Variants in GALNT17 observed in about 807,000 individuals in gnomAD.
The protein encoded by GALNT17 is polypeptide N-acetylgalactosaminyltransferase 17, also known as UDP-GalNAc:polypeptide N-acetylgalactosaminyltransferase-like 3.
A neutral mutation model predicts 63.7 loss-of-function variants in GALNT17; 29 were observed. The observed-to-expected ratio is 0.46, with a 90% CI of 0.34 to 0.62. GALNT17 has a LOEUF of 0.62. Among genes scored for constraint, GALNT17 ranks in the 20% least tolerant of loss-of-function variants. GALNT17 has a pLI of 0.01. For missense variants in GALNT17, 603 were observed against 799.6 expected (o/e 0.75, Z 2.97); for synonymous variants, 305 against 318.3 (o/e 0.96, Z 0.45).
At chr7:71,583,256 G>A (rs772897564) in intron 6 of GALNT17, among the ~76,000 whole-genome samples, 22 of 152,008 alleles carry the variant, frequency 1.4e-4, no homozygotes, top group Non-Finnish European at 2.6e-4. Context: ...CACCACGCCC[G>A]GCTAATTTTT....
chr7:71,521,425 C>A (rs976150559), intron 5 of GALNT17, among the ~76,000 whole-genome samples: 1 of 152,180 alleles, frequency 6.6e-6, no homozygotes, highest in Admixed American at 6.5e-5. Flanking sequence ...GTCCATCTGT[C>A]CTGGACTACA....
At position 71,401,401 on chromosome 7, in the gene GALNT17, A is replaced by G. The variant is rs115017421; in HGVS notation, c.589+13000A>G. On this transcript the variant is annotated intron_variant, in intron 3 of 10. Coordinates refer to ENST00000333538, the MANE Select transcript of GALNT17 (RefSeq NM_022479.3). ...CGTGAGCCACCATGCCTGGCCCTCA[A>G]TACTCTTTTATATGTCTTATTAATA... Among the ~76,000 whole-genome samples, 262 of 152,040 alleles carry G rather than the reference A, an allele frequency of 1.7e-3. 3 individuals are homozygous for G. Among genetic ancestry groups the G allele is most frequent in the African/African-American group, 5.5e-3 (228 of 41,518 alleles).
At chr7:71,557,318 C>T (rs566407769) in intron 5 of GALNT17, among the ~76,000 whole-genome samples, 2 of 152,204 alleles carry the variant, frequency 1.3e-5, no homozygotes, top group East Asian at 3.9e-4. Context: ...TTTTTGGAAC[C>T]CTGTCAGTGT....
intron 6 of GALNT17, among the ~76,000 whole-genome samples, chr7:71,598,997 AG>A (rs1789928007): frequency 6.6e-6 from 1 of 152,094 alleles, no homozygotes; most frequent in Non-Finnish European, 1.5e-5. Context: ...CAGGACTCAT[AG>A]GGGCCTCAAG....
chr7:71,333,910 C>T (rs917263378), intron 1 of GALNT17, among the ~76,000 whole-genome samples: 10 of 152,156 alleles, frequency 6.6e-5, no homozygotes, highest in Admixed American at 3.3e-4. Context: ...TGTTTGTACT[C>T]AACATGGGAA....
chr7:71,553,626 G>GTA (rs1789116052), intron 5 of GALNT17, among the ~76,000 whole-genome samples: 1 of 152,138 alleles, frequency 6.6e-6, no homozygotes, highest in Non-Finnish European at 1.5e-5. Flanking sequence ...TTTAAAACCT[G>GTA]TAACACAATT....
chr7:71,524,254 AT>A (rs1788587628), intron 5 of GALNT17, among the ~76,000 whole-genome samples: 1 of 147,106 alleles, frequency 6.8e-6, no homozygotes, highest in East Asian at 1.9e-4. Context: ...AATAATATAT[AT>A]TATATTATAT....
At chr7:71,518,530 C>T (rs148648072) in intron 5 of GALNT17, among the ~76,000 whole-genome samples, 6 of 152,264 alleles carry the variant, frequency 3.9e-5, no homozygotes, top group Middle Eastern at 3.4e-3. Flanking sequence ...GCAAGAGACA[C>T]GAGTCCAGCA....
intron 6 of GALNT17, among the ~76,000 whole-genome samples, chr7:71,604,485 T>G (rs1790017542): frequency 6.6e-6 from 1 of 152,222 alleles, no homozygotes; most frequent in African/African-American, 2.4e-5. Flanking sequence ...TATTTCATTC[T>G]TAGAACTGAC....
intron 9 of GALNT17, among the ~76,000 whole-genome samples, chr7:71,679,778 G>A (rs891208277): frequency 1.3e-5 from 2 of 151,958 alleles, no homozygotes; most frequent in Non-Finnish European, 2.9e-5. Flanking sequence ...CGTCCCCAAG[G>A]CTGCGACAAC....
chr7:71,169,295 C>A (rs977188849), intron 1 of GALNT17, among the ~76,000 whole-genome samples: 2 of 152,164 alleles, frequency 1.3e-5, no homozygotes, highest in Admixed American at 6.5e-5. Flanking sequence ...CAGCATCCCC[C>A]CTAGGCTCTC....
At chr7:71,410,209 C>T (rs778114399) in intron 3 of GALNT17, among the ~76,000 whole-genome samples, 8 of 151,422 alleles carry the variant, frequency 5.3e-5, no homozygotes, top group Non-Finnish European at 1.2e-4. Flanking sequence ...ATGTGCTGCA[C>T]GCTTGGTTTA....
intron 1 of GALNT17, among the ~76,000 whole-genome samples, chr7:71,226,622 G>A (rs926694082): frequency 5.3e-5 from 8 of 152,104 alleles, no homozygotes; most frequent in Non-Finnish European, 8.8e-5. Flanking sequence ...TGGGATTACA[G>A]GTATGCACCA....
In GALNT17 at chr7:71,561,043, C is replaced by T. The variant is rs564262233; in HGVS notation, c.963-10242C>T. Among the ~76,000 whole-genome samples, 87 of 152,242 alleles carry T rather than the reference C, an allele frequency of 5.7e-4. No homozygotes were observed. In the South Asian group the frequency reaches 0.017, roughly 29 times the overall value. ...GTTTTTGTTTTTTGAGACAGAGTCTCGCTCTGTCGGCCAGGCTGGAGTGCA... is the reference window on the plus strand; with the variant it reads ...GTTTTTGTTTTTTGAGACAGAGTCTTGCTCTGTCGGCCAGGCTGGAGTGCA... On this transcript the variant is annotated intron_variant, in intron 5 of 10. Transcript: ENST00000333538.
chr7:71,422,979 C>A (rs760221770), intron 5 of GALNT17, among the ~76,000 whole-genome samples: 3 of 152,150 alleles, frequency 2.0e-5, no homozygotes, highest in Non-Finnish European at 4.4e-5. Flanking sequence ...TCAACTACCC[C>A]TGGCCGAACT....
intron 5 of GALNT17, among the ~76,000 whole-genome samples, chr7:71,444,038 T>G (rs1235885348): frequency 1.3e-5 from 2 of 152,194 alleles, no homozygotes; most frequent in Non-Finnish European, 1.5e-5. Context: ...GAATTGTTCC[T>G]TTATAGCAAC....
chr7:71,520,854 A>G (rs1788519072), intron 5 of GALNT17, among the ~76,000 whole-genome samples: 3 of 152,064 alleles, frequency 2.0e-5, no homozygotes, highest in African/African-American at 7.2e-5. Context: ...AGGAGGAGAG[A>G]CTAGGAGAGG....
At chr7:71,189,638 T>TA (rs1373485335) in intron 1 of GALNT17, among the ~76,000 whole-genome samples, 1 of 151,538 alleles carries the variant, frequency 6.6e-6, no homozygotes. Context: ...GCTGTGGGTG[T>TA]GGTTGGAGGA....
chr7:71,490,943 C>T (rs778727127), intron 5 of GALNT17, among the ~76,000 whole-genome samples: 6 of 152,144 alleles, frequency 3.9e-5, no homozygotes, highest in East Asian at 3.9e-4. Context: ...CCTGTAATCC[C>T]AGCACTTTGG....
Sources: allele counts gnomAD v4.1 joint callset (sites outside exome capture counted in the v4.1 genomes callset), GRCh38; gene constraint gnomAD v4.1.1; transcripts MANE v1.5; gene names NCBI Gene and HGNC (gene_info 2026-07-23, HGNC 2026-07-21).